The following ANKRD44 variants were observed in gnomAD, a reference collection of about 807,000 sequenced individuals.
ANKRD44 encodes serine/threonine-protein phosphatase 6 regulatory ankyrin repeat subunit B.
A neutral mutation model predicts 116.0 loss-of-function variants in ANKRD44; 35 were observed. That is an observed-to-expected ratio of 0.30 (90% CI 0.23 to 0.40). The LOEUF (loss-of-function observed/expected upper bound fraction) is 0.40, where lower values mean the gene tolerates loss of function less well. Among genes scored for constraint, ANKRD44 ranks in the 10% least tolerant of loss-of-function variants. The pLI is 1.00. For missense variants in ANKRD44, 1,014 were observed against 1,242.6 expected (o/e 0.82, Z 2.77); for synonymous variants, 435 against 461.8 (o/e 0.94, Z 0.74).
At chr2:197,120,803 T>TGG (rs567842516) in intron 8 of ANKRD44, among the ~76,000 whole-genome samples, 4 of 152,204 alleles carry the variant, frequency 2.6e-5, no homozygotes, top group Non-Finnish European at 5.9e-5. Context: ...TATTAGCTTC[T>TGG]GGGCAAGTCA....
downstream of ANKRD44, among the ~76,000 whole-genome samples, chr2:196,986,365 A>G (rs958560020): frequency 1.1e-4 from 16 of 151,716 alleles, no homozygotes; most frequent in Admixed American, 7.9e-4. Context: ...CAGTGAGCCG[A>G]GATCTCACAA....
intron 16 of ANKRD44, among the ~76,000 whole-genome samples, chr2:197,033,320 T>C (rs1053570283): frequency 6.6e-6 from 1 of 152,062 alleles, no homozygotes; most frequent in Non-Finnish European, 1.5e-5. Flanking sequence ...GTGATGGTAA[T>C]GATTACCATG....
intron 9 of ANKRD44, 25 bp downstream of exon 9, chr2:197,110,741 G>C (rs767089925): frequency 1.3e-6 from 2 of 1,587,444 alleles, no homozygotes; most frequent in South Asian, 1.1e-5. Context: ...TCGAAATAAT[G>C]ACACTACTGA....
At chr2:197,247,766 C>G (rs951172290) in intron 1 of ANKRD44, among the ~76,000 whole-genome samples, 1 of 152,196 alleles carries the variant, frequency 6.6e-6, no homozygotes, top group African/African-American at 2.4e-5. Context: ...AGGGTCCCAG[C>G]TGTGAAGAGT....
At chr2:197,035,048 A>C (rs1276276177) in intron 16 of ANKRD44, among the ~76,000 whole-genome samples, 1 of 152,220 alleles carries the variant, frequency 6.6e-6, no homozygotes, top group African/African-American at 2.4e-5. Context: ...ACAGCATTTC[A>C]ATGCTTTGGA....
chr2:197,122,049 T>C (rs946589862), intron 7 of ANKRD44, among the ~76,000 whole-genome samples: 1 of 152,118 alleles, frequency 6.6e-6, no homozygotes, highest in African/African-American at 2.4e-5. Flanking sequence ...CCAGGTTGCA[T>C]TTTAGTAGCA....
chr2:197,083,272 T>TCTTTTGGGTTAGTCTAACC, intron 14 of ANKRD44, 97 bp downstream of exon 14: 3 of 1,458,418 alleles, frequency 2.1e-6, no homozygotes, highest in Non-Finnish European at 2.7e-6. Flanking sequence ...TTAGTCTAAC[T>TCTTTTGGGTTAGTCTAACC]CTTTTTCCAT....
chr2:197,310,650 A>G lies in ANKRD44; in HGVS notation c.-46T>C. On this transcript the variant is annotated 5_prime_UTR_variant, in exon 1 of 28. Coordinates refer to ENST00000282272, the MANE Select transcript of ANKRD44 (RefSeq NM_001195144.2). ...ACACACATGCAGGTCCCCGGCCCGC[A>G]GATGTCACGCCGGGAGCCGGGGAAG... 2.3e-6 allele frequency: 3 copies of G among 1,330,944 alleles called. No individual in the cohort carries two copies. Among genetic ancestry groups the G allele is most frequent in the African/African-American group, 1.6e-5 (1 of 64,308 alleles). 82.4% of individuals were successfully genotyped at this position (1,330,944 alleles called of 1,614,324 possible). A position where few individuals can be genotyped will look rare whatever the true frequency, so the allele number is the denominator to read the frequency against.
intron 2 of ANKRD44, among the ~76,000 whole-genome samples, chr2:197,182,663 C>A (rs1183800517): frequency 7.5e-6 from 1 of 133,786 alleles, no homozygotes; most frequent in African/African-American, 2.5e-5. Context: ...ACATACACTA[C>A]AATCTGCACA....
chr2:197,171,490 T>A (rs557923303), intron 2 of ANKRD44, among the ~76,000 whole-genome samples: 1 of 152,138 alleles, frequency 6.6e-6, no homozygotes, highest in Non-Finnish European at 1.5e-5. Context: ...TTAGGTTATA[T>A]GAGAAAATTA....
At chr2:197,306,863 C>T (rs977333656) in intron 1 of ANKRD44, among the ~76,000 whole-genome samples, 1 of 152,218 alleles carries the variant, frequency 6.6e-6, no homozygotes, top group Admixed American at 6.5e-5. Context: ...AGGCAGGAAG[C>T]TCCAAAAAGG....
intron 1 of ANKRD44, among the ~76,000 whole-genome samples, chr2:197,231,579 G>A (rs1045612637): frequency 1.3e-5 from 2 of 152,018 alleles, no homozygotes; most frequent in African/African-American, 4.8e-5. Flanking sequence ...GCCTTGGCAA[G>A]GGACACTTAG....
intron 1 of ANKRD44, among the ~76,000 whole-genome samples, chr2:197,209,671 A>C (rs2081284053): frequency 1.3e-5 from 2 of 151,920 alleles, no homozygotes; most frequent in Admixed American, 1.3e-4. Flanking sequence ...TAATTTCATC[A>C]AGAATTAAAC....
chr2:197,163,905 G>A (rs2080033223), intron 2 of ANKRD44, among the ~76,000 whole-genome samples: 1 of 152,210 alleles, frequency 6.6e-6, no homozygotes, highest in Non-Finnish European at 1.5e-5. Context: ...TAGAATTACA[G>A]GCATGAAGCT....
At chr2:197,310,419 G>A (rs1260586797) in intron 1 of ANKRD44, among the ~76,000 whole-genome samples, 159 bp downstream of exon 1, 3 of 147,278 alleles carry the variant, frequency 2.0e-5, no homozygotes, top group Non-Finnish European at 4.5e-5. Flanking sequence ...GGGAGCTGCC[G>A]CCGCGGGCTC....
intron 2 of ANKRD44, among the ~76,000 whole-genome samples, chr2:197,164,982 T>C (rs1055097361): frequency 1.2e-4 from 19 of 152,284 alleles, no homozygotes; most frequent in African/African-American, 4.1e-4. Context: ...TCCTCTAAAC[T>C]ACTGTTTATT....
At chr2:197,266,621 G>A (rs1266906263) in intron 1 of ANKRD44, among the ~76,000 whole-genome samples, 1 of 150,626 alleles carries the variant, frequency 6.6e-6, no homozygotes, top group Non-Finnish European at 1.5e-5. Context: ...TCTAGTATGG[G>A]CATGCAAGAG....
chr2:197,273,974 A>AT (rs56731417), intron 1 of ANKRD44, among the ~76,000 whole-genome samples: 951 of 33,650 alleles, frequency 0.028, 66 homozygotes, highest in African/African-American at 0.037. Flanking sequence ...AAAAAAAAAA[A>AT]AAAAAAATAT....
Position 197,125,894 on chromosome 2 carries a change from G to A in ANKRD44, c.405C>T (p.Val135=), listed in dbSNP as rs748551744. Residue 135 remains valine, a synonymous_variant, in exon 5 of 28, where the codon GTC becomes GTT. Transcript: ENST00000282272. ...AGGCTGTGCGCCCCCCTCGGTCGGA[G>A]ACATTGACACTGCTCAGCAGGGGAA... is the stretch of plus-strand genomic sequence containing the variant. ...VIIPLLSSVN[V]SDRGGRTALH... is the part of the protein sequence containing the mutation. The A allele has an allele frequency of 1.9e-6, 3 of 1,614,236 alleles. No individual in the cohort carries two copies. In the South Asian group the frequency reaches 3.3e-5, roughly 18 times the overall value.
Sources: gnomAD v4.1 joint callset for allele counts (sites outside exome capture counted in the v4.1 genomes callset) on GRCh38, gnomAD v4.1.1 for gene constraint, MANE v1.5 for transcripts, NCBI Gene and HGNC (gene_info 2026-07-23, HGNC 2026-07-21) for gene names.